Variants in HTR2C observed in about 807,000 individuals in gnomAD.
HTR2C encodes the protein 5-hydroxytryptamine receptor 2C.
Under a neutral mutation model 21.0 loss-of-function variants are expected in HTR2C, and 5 were observed. The observed-to-expected ratio is 0.24, with a 90% confidence interval of 0.12 to 0.50. The LOEUF (loss-of-function observed/expected upper bound fraction) is 0.50. Among genes scored for constraint, HTR2C ranks in the 20% least tolerant of loss-of-function variants. The pLI, the probability that HTR2C is intolerant of heterozygous loss-of-function variation, is 0.98. For missense variants in HTR2C, 271 were observed against 371.2 expected (o/e 0.73, Z 2.22); for synonymous variants, 150 against 145.3 (o/e 1.03, Z -0.23).
chrX:114,597,676 A>C (rs1927919233), intron 1 of HTR2C, among the ~76,000 whole-genome samples: 1 of 111,801 alleles, frequency 8.9e-6, no homozygotes, highest in South Asian at 3.7e-4. Flanking sequence ...ATATGTTTAA[A>C]ACAGTGGTGA....
intron 2 of HTR2C, among the ~76,000 whole-genome samples, chrX:114,688,410 C>T (rs930681735): frequency 2.7e-5 from 3 of 110,557 alleles, no homozygotes; most frequent in African/African-American, 6.6e-5. Flanking sequence ...TGTCCTACAG[C>T]GCACACCACT....
intron 4 of HTR2C, among the ~76,000 whole-genome samples, chrX:114,843,235 A>G (rs1317871378): frequency 8.9e-6 from 1 of 112,042 alleles, no homozygotes; most frequent in African/African-American, 3.2e-5. Context: ...AAAGCAAACC[A>G]GAAGAACAAT....
At chrX:114,775,160 A>G (rs1306102727) in intron 4 of HTR2C, 1 of 521,190 alleles carries the variant, frequency 1.9e-6, no homozygotes, top group African/African-American at 2.3e-5. Flanking sequence ...TTCTTGGATG[A>G]CACTTTGTCC....
At chrX:114,734,099 C>A (rs1436968664) in intron 4 of HTR2C, among the ~76,000 whole-genome samples, 2 of 110,129 alleles carry the variant, frequency 1.8e-5, no homozygotes, top group Non-Finnish European at 3.8e-5. Context: ...GAATTCAGGA[C>A]AAATAAAATA....
intron 1 of HTR2C, among the ~76,000 whole-genome samples, chrX:114,601,398 T>C (rs188182364): frequency 0.033 from 3,522 of 108,085 alleles, 155 homozygotes; most frequent in African/African-American, 0.11. Context: ...AGGGTGGGGC[T>C]GTTTTATAGG....
chrX:114,589,602 G>A (rs887527391), intron 1 of HTR2C: 5 of 166,494 alleles, frequency 3.0e-5, no homozygotes, highest in East Asian at 1.6e-4. Flanking sequence ...TTTCCGTACC[G>A]ATAGTGCTCC....
At chrX:114,882,120 A>G (rs1556479950) in intron 5 of HTR2C, among the ~76,000 whole-genome samples, 1 of 110,790 alleles carries the variant, frequency 9.0e-6, no homozygotes, top group Admixed American at 9.7e-5. Context: ...TTATAAACTG[A>G]ATTACTTTAT....
intron 4 of HTR2C, among the ~76,000 whole-genome samples, chrX:114,818,148 T>C (rs2070601838): frequency 8.9e-6 from 1 of 111,915 alleles, no homozygotes; most frequent in South Asian, 3.7e-4. Context: ...CAATACACTT[T>C]CATGGTAAAA....
At chrX:114,649,579 G>A (rs1930476773) in intron 2 of HTR2C, among the ~76,000 whole-genome samples, 1 of 111,422 alleles carries the variant, frequency 9.0e-6, no homozygotes, top group Non-Finnish European at 1.9e-5. Context: ...TCTTTTCTGT[G>A]TTATTTTTAT....
chrX:114,612,578 T>G (rs1556398937), intron 1 of HTR2C, among the ~76,000 whole-genome samples: 1 of 112,504 alleles, frequency 8.9e-6, no homozygotes, highest in South Asian at 3.6e-4. Flanking sequence ...TTGTTTCCTC[T>G]TCCAGCGTCT....
chrX:114,795,176 T>C (rs1327570815), intron 4 of HTR2C, among the ~76,000 whole-genome samples: 1 of 111,085 alleles, frequency 9.0e-6, no homozygotes, highest in Non-Finnish European at 1.9e-5. Context: ...AAATGTCTTC[T>C]TTTGTGAAGT....
intron 4 of HTR2C, among the ~76,000 whole-genome samples, chrX:114,847,367 C>T (rs782367460): frequency 1.7e-3 from 152 of 88,567 alleles, no homozygotes; most frequent in Middle Eastern, 7.8e-3. Context: ...TGTTCTCACT[C>T]ATAGGTGGGA....
At chrX:114,712,252 C>T (rs1932903093) in intron 2 of HTR2C, among the ~76,000 whole-genome samples, 1 of 111,555 alleles carries the variant, frequency 9.0e-6, no homozygotes, top group Non-Finnish European at 1.9e-5. Flanking sequence ...ACATATTTCA[C>T]TGCATAACAT....
chrX:114,685,488 G>T (rs1490077041), intron 2 of HTR2C, among the ~76,000 whole-genome samples: 2 of 111,971 alleles, frequency 1.8e-5, no homozygotes, highest in Non-Finnish European at 3.8e-5. Flanking sequence ...ACTGGAACTG[G>T]CATAGTGTGT....
chrX:114,903,569 C>T (rs2071352176), intron 5 of HTR2C, among the ~76,000 whole-genome samples: 1 of 112,142 alleles, frequency 8.9e-6, no homozygotes, highest in African/African-American at 3.2e-5. Flanking sequence ...TCTACAGTGA[C>T]TTTGCTACCC....
In HTR2C at chrX:114,690,386, C is replaced by A. The variant is rs939909425; in HGVS notation, c.-79-36472C>A. 3.0e-4 allele frequency among the ~76,000 whole-genome samples: 34 copies of A among 111,679 alleles called. 1 individual carries two copies. The highest frequency in any genetic ancestry group is 1.6e-3 in the Admixed American group (17 of 10,420). Reference sequence around the variant, plus strand: ...ATTGTTTCTTTTCTTCTCCAGAATACTTTTGAAAAGAAACTAAAACTAACA... The same window carrying A: ...ATTGTTTCTTTTCTTCTCCAGAATAATTTTGAAAAGAAACTAAAACTAACA... On this transcript the variant is annotated intron_variant, in intron 2 of 5. Coordinates refer to ENST00000276198, the MANE Select transcript of HTR2C (RefSeq NM_000868.4).
At chrX:114,773,687 G>A (rs2070027783) in intron 4 of HTR2C, among the ~76,000 whole-genome samples, 1 of 111,963 alleles carries the variant, frequency 8.9e-6, no homozygotes, top group Non-Finnish European at 1.9e-5. Flanking sequence ...ATTTTAGTCA[G>A]CAAATAAAAC....
In HTR2C at chrX:114,848,154, G is replaced by A. The variant is rs782120660; in HGVS notation, c.501G>A (p.Ser167=). The change falls in exon 5 of 6, where the codon TCG becomes TCA. Residue 167 remains serine (S), a synonymous_variant. Coordinates refer to ENST00000276198, the MANE Select transcript of HTR2C (RefSeq NM_000868.4). ...CTATTGAGCATAGCCGTTTCAATTC[G>A]CGGACTAAGGCCATCATGAAGATTG... The part of the protein sequence containing the change: ...RNPIEHSRFN[S]RTKAIMKIAI... 6 of 1,210,562 alleles carry A rather than the reference G, an allele frequency of 5.0e-6. No individual in the cohort carries two copies. The highest frequency in any genetic ancestry group is 3.0e-5 in the East Asian group (1 of 33,814).
At chrX:114,600,436 G>T (rs1928037472) in intron 1 of HTR2C, among the ~76,000 whole-genome samples, 1 of 106,868 alleles carries the variant, frequency 9.4e-6, no homozygotes, top group Non-Finnish European at 2.0e-5. Flanking sequence ...TACAAATCAG[G>T]AATGTGTGTA....
Sources: gnomAD v4.1 joint callset for allele counts (sites outside exome capture counted in the v4.1 genomes callset) on GRCh38, gnomAD v4.1.1 for gene constraint, MANE v1.5 for transcripts, NCBI Gene and HGNC (gene_info 2026-07-23, HGNC 2026-07-21) for gene names.